Variants in DMD observed in about 807,000 individuals in gnomAD.
DMD encodes the protein mutant dystrophin.
Under a neutral mutation model 330.1 loss-of-function variants are expected in DMD, and 63 were observed. The observed-to-expected ratio is 0.19, with a 90% CI of 0.16 to 0.24. DMD has a LOEUF of 0.24. Among genes scored for constraint, DMD ranks in the 10% least tolerant of loss-of-function variants. The pLI is 1.00. For synonymous variants in DMD, 1,223 were observed against 959.8 expected, an observed-to-expected ratio of 1.27 and a Z score of -5.07; for missense variants, 3,344 against 2,684.1, an observed-to-expected ratio of 1.25 and a Z score of -5.43.
chrX:31,729,333 A>C (rs1603452131), intron 52 of DMD, among the ~76,000 whole-genome samples: 2 of 111,379 alleles, frequency 1.8e-5, no homozygotes, highest in African/African-American at 6.5e-5. Flanking sequence ...ATGACAACTA[A>C]AGAACAAATG....
chrX:31,907,853 A>C (rs2149845481), intron 47 of DMD, among the ~76,000 whole-genome samples: 1 of 112,760 alleles, frequency 8.9e-6, no homozygotes, highest in African/African-American at 3.2e-5. Context: ...TCTACAAAGA[A>C]CTTAAACAAA....
At chrX:32,858,514 G>A (rs1276609295) in intron 2 of DMD, among the ~76,000 whole-genome samples, 1 of 111,001 alleles carries the variant, frequency 9.0e-6, no homozygotes, top group Non-Finnish European at 1.9e-5. Context: ...ATTTTTAGTA[G>A]AGACGGGGTT....
At chrX:32,026,179 T>C (rs2095844394) in intron 44 of DMD, among the ~76,000 whole-genome samples, 1 of 112,155 alleles carries the variant, frequency 8.9e-6, no homozygotes, top group Non-Finnish European at 1.9e-5. Flanking sequence ...AGATATAAAA[T>C]ATTTTGTTAA....
intron 40 of DMD, among the ~76,000 whole-genome samples, 182 bp from the exon 41 acceptor site, chrX:32,342,464 G>T (rs777287032): frequency 8.9e-6 from 1 of 112,083 alleles, no homozygotes; most frequent in South Asian, 3.7e-4. Context: ...TATTATTTCA[G>T]TTATCCTTTG....
intron 2 of DMD, among the ~76,000 whole-genome samples, chrX:33,001,066 C>T (rs6631704): frequency 0.39 from 43,509 of 110,374 alleles, 6,494 homozygotes; most frequent in East Asian, 0.48. Context: ...ACTGTTAAGA[C>T]ACAGGATGGG....
chrX:32,155,429 G>T, intron 44 of DMD: 5 of 754,310 alleles, frequency 6.6e-6, no homozygotes, highest in Non-Finnish European at 7.8e-6. Context: ...GTTCAGAGCA[G>T]CCAGCAATGC....
At chrX:33,161,900 A>T (rs1174677483) in intron 1 of DMD, among the ~76,000 whole-genome samples, 1 of 112,288 alleles carries the variant, frequency 8.9e-6, no homozygotes, top group Non-Finnish European at 1.9e-5. Context: ...GTCCAAGTTC[A>T]TCTCTCAAAA....
At chrX:31,671,952 A>G (rs1455009571) in intron 53 of DMD, among the ~76,000 whole-genome samples, 1 of 110,526 alleles carries the variant, frequency 9.0e-6, no homozygotes, top group African/African-American at 3.3e-5. Context: ...CTGTAGATTT[A>G]CTTTTCTCTT....
chrX:32,057,759 C>A (rs1036094816), intron 44 of DMD, among the ~76,000 whole-genome samples: 3 of 110,363 alleles, frequency 2.7e-5, no homozygotes, highest in African/African-American at 9.8e-5. Context: ...CATATGAAAC[C>A]ACAAACGACT....
intron 2 of DMD, among the ~76,000 whole-genome samples, chrX:32,885,843 A>AAC (rs1557115461): frequency 2.8e-5 from 3 of 108,416 alleles, no homozygotes; most frequent in East Asian, 2.9e-4. Flanking sequence ...AAAAAAAAAA[A>AAC]AAAAAACCTT....
At chrX:32,311,569 C>T (rs746951498) in intron 41 of DMD, among the ~76,000 whole-genome samples, 1 of 111,481 alleles carries the variant, frequency 9.0e-6, no homozygotes, top group South Asian at 3.7e-4. Flanking sequence ...AATAATTATA[C>T]CTTTTACAAC....
chrX:32,322,801 A>G (rs780012653), intron 41 of DMD, among the ~76,000 whole-genome samples: 33 of 111,632 alleles, frequency 3.0e-4, no homozygotes, highest in Non-Finnish European at 5.8e-4. Flanking sequence ...TGGAAACTGG[A>G]AGACAATTGT....
intron 32 of DMD, among the ~76,000 whole-genome samples, chrX:32,388,154 G>A (rs2097972644): frequency 9.0e-6 from 1 of 111,047 alleles, no homozygotes; most frequent in Non-Finnish European, 1.9e-5. Context: ...AATGCCTTGA[G>A]CAGTTTCCTT....
At chrX:31,744,105 C>T (rs373475051) in intron 51 of DMD, among the ~76,000 whole-genome samples, 2 of 111,520 alleles carry the variant, frequency 1.8e-5, no homozygotes, top group Non-Finnish European at 3.8e-5. Context: ...TGGGCTAACA[C>T]GATCCTCCTG....
intron 55 of DMD, among the ~76,000 whole-genome samples, chrX:31,539,169 T>G (rs1480751890): frequency 1.8e-5 from 2 of 111,938 alleles, no homozygotes; most frequent in African/African-American, 6.5e-5. Flanking sequence ...AGAAGTGCTC[T>G]GATACAGAGC....
chrX:32,836,328 G>A (rs889991455), intron 4 of DMD, among the ~76,000 whole-genome samples: 2 of 110,352 alleles, frequency 1.8e-5, no homozygotes, highest in African/African-American at 3.3e-5. Context: ...CACCACGCTC[G>A]GCCTCAACTT....
intron 1 of DMD, among the ~76,000 whole-genome samples, chrX:33,112,804 T>C (rs1211985242): frequency 9.2e-6 from 1 of 108,497 alleles, no homozygotes; most frequent in East Asian, 3.0e-4. Context: ...AGTAAGAATA[T>C]CGGCCAGGCG....
At chrX:31,130,790 A>G (rs1365601562) in intron 77 of DMD, among the ~76,000 whole-genome samples, 1 of 112,158 alleles carries the variant, frequency 8.9e-6, no homozygotes, top group Non-Finnish European at 1.9e-5. Context: ...AAGAAAGGTT[A>G]GCTGACACCT....
At chrX:32,483,146 C>A (rs868282899) in intron 21 of DMD, among the ~76,000 whole-genome samples, 1 of 39,281 alleles carries the variant, frequency 2.5e-5, no homozygotes, top group Non-Finnish European at 6.3e-5. Flanking sequence ...TTTTTCATTC[C>A]ATATATATAT....
Sources: allele counts gnomAD v4.1 joint callset (sites outside exome capture counted in the v4.1 genomes callset), GRCh38; gene constraint gnomAD v4.1.1; transcripts MANE v1.5; gene names NCBI Gene and HGNC (gene_info 2026-07-23, HGNC 2026-07-21).